Variants in DPP10 observed in about 807,000 individuals in gnomAD.
The protein encoded by DPP10 is dipeptidyl peptidase like 10.
A neutral mutation model predicts 120.9 loss-of-function variants in DPP10; 33 were observed. That is an observed-to-expected ratio of 0.27 (90% CI 0.21 to 0.37). The LOEUF (loss-of-function observed/expected upper bound fraction) is 0.37, where lower values mean the gene tolerates loss of function less well. DPP10 is among the 10% of genes least tolerant of loss of function. The probability of loss-of-function intolerance (pLI) is 1.00; values close to 1 mark genes in which losing one functional copy is unlikely to be tolerated. For synonymous variants in DPP10, 337 were observed against 326.1 expected (o/e 1.03, Z -0.36); for missense variants, 816 against 942.8 (o/e 0.87, Z 1.76).
chr2:115,657,193 A>G (rs1252245345), intron 5 of DPP10, among the ~76,000 whole-genome samples: 10 of 151,778 alleles, frequency 6.6e-5, no homozygotes, highest in African/African-American at 2.2e-4. Context: ...AAAAATTTGA[A>G]TGTTTGTACA....
intron 1 of DPP10, among the ~76,000 whole-genome samples, chr2:115,237,214 T>G (rs559100368): frequency 6.6e-6 from 1 of 151,976 alleles, no homozygotes; most frequent in African/African-American, 2.4e-5. Context: ...GGTCACATTT[T>G]GGGAAATCTC....
Position 115,586,778 on chromosome 2 carries a change from A to G in DPP10, c.441+60806A>G, listed in dbSNP as rs77964139. 4.1e-3 allele frequency among the ~76,000 whole-genome samples: 619 copies of G among 152,306 alleles called. 3 individuals are homozygous for G. The highest frequency in any genetic ancestry group is 0.013 in the African/African-American group (548 of 41,564). ...TTAAGTTTATATTCCCACTAATCAT[A>G]GTAGCATTATATTCTTACTTGAGTT... is the stretch of plus-strand genomic sequence containing the variant. On this transcript the variant is annotated intron_variant, in intron 5 of 25. Coordinates refer to ENST00000410059, the MANE Select transcript of DPP10 (RefSeq NM_020868.6).
intron 1 of DPP10, among the ~76,000 whole-genome samples, chr2:115,107,671 T>C (rs928160613): frequency 2.0e-5 from 3 of 152,052 alleles, no homozygotes; most frequent in Non-Finnish European, 4.4e-5. Flanking sequence ...CATTACCATC[T>C]TATTATAAAT....
intron 1 of DPP10, among the ~76,000 whole-genome samples, chr2:115,265,306 T>C (rs1245773805): frequency 6.6e-6 from 1 of 150,832 alleles, no homozygotes; most frequent in African/African-American, 2.4e-5. Context: ...CACATACATA[T>C]ATATATGATT....
chr2:114,731,942 G>A (rs1286882088), intron 1 of DPP10, among the ~76,000 whole-genome samples: 1 of 152,094 alleles, frequency 6.6e-6, no homozygotes, highest in Non-Finnish European at 1.5e-5. Flanking sequence ...GGATGAGCCT[G>A]GTCAATTGTT....
intron 1 of DPP10, among the ~76,000 whole-genome samples, chr2:114,458,618 T>C (rs1443015525): frequency 6.6e-6 from 1 of 152,214 alleles, no homozygotes; most frequent in African/African-American, 2.4e-5. Flanking sequence ...TTTAGCAATA[T>C]TATCTGAGGC....
chr2:115,822,355 G>T (rs1464105789), intron 21 of DPP10, among the ~76,000 whole-genome samples: 3 of 151,874 alleles, frequency 2.0e-5, no homozygotes, highest in Non-Finnish European at 4.4e-5. Flanking sequence ...ACATCAGATA[G>T]TAGTGTCTTA....
intron 1 of DPP10, among the ~76,000 whole-genome samples, chr2:114,668,611 C>G (rs1698108912): frequency 6.6e-6 from 1 of 152,028 alleles, no homozygotes. Flanking sequence ...AAAATTAAAC[C>G]CACACTCAGC....
chr2:115,299,785 T>C (rs1263072515), intron 1 of DPP10, among the ~76,000 whole-genome samples: 1 of 152,070 alleles, frequency 6.6e-6, no homozygotes, highest in Non-Finnish European at 1.5e-5. Context: ...TCCACAGATA[T>C]TGTTTTCAAA....
intron 3 of DPP10, among the ~76,000 whole-genome samples, chr2:115,441,613 C>T (rs2072051618): frequency 6.6e-6 from 1 of 152,130 alleles, no homozygotes; most frequent in African/African-American, 2.4e-5. Context: ...ACGGTAGCCA[C>T]TAGTCTATGT....
rs111974235 is a variant in DPP10, at chr2:114,847,481, T to G, written c.60+404643T>G. On this transcript the variant is annotated intron_variant, in intron 1 of 25. Transcript: ENST00000410059. ...ATTTCTTGAAAATAGGGACACATTC[T>G]TAAGCATCTTATCCATCTCCGTACT... Among the ~76,000 whole-genome samples, 647 of 152,312 alleles carry G rather than the reference T, an allele frequency of 4.2e-3. 5 individuals carry two copies. The highest frequency in any genetic ancestry group is 0.015 in the African/African-American group (615 of 41,570).
intron 2 of DPP10, among the ~76,000 whole-genome samples, chr2:115,313,041 G>A (rs149874187): frequency 6.2e-4 from 95 of 152,204 alleles, no homozygotes; most frequent in Admixed American, 1.4e-3. Context: ...GGCCAACATG[G>A]TGAAACCCCA....
At chr2:115,741,527 T>C (rs1188840181) in intron 9 of DPP10, among the ~76,000 whole-genome samples, 1 of 151,980 alleles carries the variant, frequency 6.6e-6, no homozygotes, top group East Asian at 1.9e-4. Flanking sequence ...ATATTAATTC[T>C]CACATTGTTT....
At chr2:115,198,814 A>G (rs1427147659) in intron 1 of DPP10, among the ~76,000 whole-genome samples, 1 of 152,150 alleles carries the variant, frequency 6.6e-6, no homozygotes, top group Non-Finnish European at 1.5e-5. Flanking sequence ...TAATAAATGT[A>G]TGTAGAATGA....
In DPP10 at chr2:114,653,025, A is replaced by T. The variant is rs79061703; in HGVS notation, c.60+210187A>T. Among the ~76,000 whole-genome samples the T allele has an allele frequency of 7.3e-3, 862 of 118,828 alleles. 4 individuals are homozygous for T. The highest frequency in any genetic ancestry group is 0.028 in the African/African-American group (606 of 21,650). 78.0% of individuals were successfully genotyped at this position (118,828 alleles called of 152,430 possible). A position where few individuals can be genotyped will look rare whatever the true frequency, so the allele number is the denominator to read the frequency against. ...GAGAGAGAGAAAGAGAGAGAGAGAG[A>T]GAGTGTGTGTGTGTGTGTGTGTGTG... is the stretch of plus-strand genomic sequence containing the variant. On this transcript the variant is annotated intron_variant, in intron 1 of 25. Coordinates refer to ENST00000410059, the MANE Select transcript of DPP10 (RefSeq NM_020868.6).
At chr2:115,102,451 C>A (rs951234453) in intron 1 of DPP10, among the ~76,000 whole-genome samples, 1 of 152,042 alleles carries the variant, frequency 6.6e-6, no homozygotes, top group Non-Finnish European at 1.5e-5. Flanking sequence ...CACTCTGTCG[C>A]CCAGTCTGGA....
chr2:115,316,613 C>A (rs2061805746), intron 2 of DPP10, among the ~76,000 whole-genome samples: 1 of 152,124 alleles, frequency 6.6e-6, no homozygotes, highest in African/African-American at 2.4e-5. Context: ...TTCAGAACTT[C>A]AAATACCCAT....
chr2:115,573,223 G>T (rs867862901), intron 5 of DPP10, among the ~76,000 whole-genome samples: 1 of 151,402 alleles, frequency 6.6e-6, no homozygotes. Context: ...TCTTACTGCT[G>T]AAGTACTAGC....
chr2:115,337,499 A>G (rs1459784401), intron 2 of DPP10, among the ~76,000 whole-genome samples: 6 of 151,914 alleles, frequency 3.9e-5, no homozygotes, highest in African/African-American at 1.5e-4. Flanking sequence ...AGCTCTGCCA[A>G]TTACTAGTTA....
Sources: allele counts gnomAD v4.1 joint callset (sites outside exome capture counted in the v4.1 genomes callset), GRCh38; gene constraint gnomAD v4.1.1; transcripts MANE v1.5; gene names NCBI Gene and HGNC (gene_info 2026-07-23, HGNC 2026-07-21).